SYT10: variants seen among roughly 807,000 people sequenced by gnomAD.
SYT10 encodes synaptotagmin 10, also known as synaptotagmin-10.
SYT10 carries 31 observed loss-of-function variants against 51.1 expected under a neutral mutation model. That is an observed-to-expected ratio of 0.61 (90% CI 0.46 to 0.82). The LOEUF (loss-of-function observed/expected upper bound fraction) is 0.82. Among genes scored for constraint, SYT10 ranks in the 40% least tolerant of loss-of-function variants. The pLI is 0.00. For missense variants in SYT10, 603 were observed against 634.0 expected (o/e 0.95, Z 0.53); for synonymous variants, 233 against 225.9 (o/e 1.03, Z -0.28).
chr12:33,427,447 G>A (rs10844601), intron 1 of SYT10, among the ~76,000 whole-genome samples: 20,275 of 152,032 alleles, frequency 0.13, 1,576 homozygotes, highest in African/African-American at 0.19. Context: ...AGAAATTGAT[G>A]TATCATTTCT....
intron 3 of SYT10, among the ~76,000 whole-genome samples, chr12:33,401,224 T>C (rs1464880442): frequency 6.6e-6 from 1 of 152,186 alleles, no homozygotes; most frequent in African/African-American, 2.4e-5. Context: ...AATTCCCGTG[T>C]GTCTTTACAT....
chr12:33,385,071 C>T, intron 4 of SYT10, 100 bp downstream of exon 4: 3 of 1,409,532 alleles, frequency 2.1e-6, no homozygotes, highest in Admixed American at 4.3e-5. Context: ...GTAGTACTCC[C>T]ATTATAGGCA....
Position 33,439,500 on chromosome 12 carries a change from C to G in SYT10, c.23G>C (p.Gly8Ala). MSFHKED[G>A]VNSLCQKALH... is the part of the protein sequence containing the mutation. ...AGCCTTCTGGCACAGACTGTTCACT[C>G]CGTCCTCCTTGTGGAAACTCATCGT... is the stretch of plus-strand genomic sequence containing the variant. The change falls in exon 1 of 7, where the codon GGA (glycine) becomes GCA (alanine). Residue 8 changes from glycine (G) to alanine (A), a missense_variant. Transcript: ENST00000228567. 1 of 1,613,398 alleles carries G rather than the reference C, an allele frequency of 6.2e-7. No individual in the cohort carries two copies. The highest frequency in any genetic ancestry group is 8.5e-7 in the Non-Finnish European group (1 of 1,179,774).
In SYT10 at chr12:33,379,549, C is replaced by CAAAAAAA. The variant is rs71068377; in HGVS notation, c.1500+276_1500+282dup. 1.1e-3 allele frequency among the ~76,000 whole-genome samples: 25 copies of CAAAAAAA among 22,068 alleles called. 1 individual carries two copies. Among genetic ancestry groups the CAAAAAAA allele is most frequent in the East Asian group, 2.7e-3 (1 of 368 alleles). 14.5% of individuals were successfully genotyped at this position (22,068 alleles called of 152,430 possible). A position where few individuals can be genotyped will look rare whatever the true frequency, so the allele number is the denominator to read the frequency against. ...CACTGATGTAAGTTTTCAGGCTATG[C>CAAAAAAA]AAAAAAAAAAAAAAAAAAAAAAAAA... On this transcript the variant is annotated intron_variant, in intron 6 of 6. Transcript: ENST00000228567.
Position 33,385,311 on chromosome 12 carries a change from G to A in SYT10, c.1078-20C>T, listed in dbSNP as rs367903082. ...ACTTTCCTAGAAAGGCAATCGGCAT[G>A]TTAGCAATTTCAAACATTGAAGGGT... On this transcript the variant is annotated intron_variant, in intron 3 of 6. Coordinates refer to ENST00000228567, the MANE Select transcript of SYT10 (RefSeq NM_198992.4). The A allele has an allele frequency of 4.3e-6, 7 of 1,610,954 alleles. No homozygotes were observed. In the South Asian group the frequency reaches 6.6e-5, roughly 15 times the overall value.
intron 3 of SYT10, chr12:33,405,057 T>A (rs1451334071): frequency 1.3e-5 from 2 of 152,158 alleles, no homozygotes; most frequent in African/African-American, 4.8e-5. Flanking sequence ...ATTATACTAA[T>A]TTTTTAGATT....
At position 33,374,896 on chromosome 12, in the gene SYT10, C is replaced by T. The variant is rs1866050036; in HGVS notation, c.*1934G>A. 2 of 151,944 alleles carry T rather than the reference C, an allele frequency of 1.3e-5. No homozygotes were observed. Among genetic ancestry groups the T allele is most frequent in the Non-Finnish European group, 2.9e-5 (2 of 67,848 alleles). 9.4% of individuals were successfully genotyped at this position (151,944 alleles called of 1,614,324 possible). A position where few individuals can be genotyped will look rare whatever the true frequency, so the allele number is the denominator to read the frequency against. ...AAAATAATTATACTCACTTAGGAAA[C>T]GTAATTGCTAATTTACTTTAAGCTG... On this transcript the variant is annotated 3_prime_UTR_variant, in exon 7 of 7. Transcript: ENST00000228567.
intron 6 of SYT10, among the ~76,000 whole-genome samples, chr12:33,377,888 A>C (rs914299896): frequency 6.6e-6 from 1 of 152,054 alleles, no homozygotes; most frequent in African/African-American, 2.4e-5. Flanking sequence ...TCAGCCTCCC[A>C]AAGTGCTGGG....
Position 33,406,769 on chromosome 12 carries a change from T to C in SYT10, c.1077+20A>G, listed in dbSNP as rs778941836. The stretch of plus-strand genomic sequence containing the variant: ...TGTAAGTCAAATAAAAAACAATATA[T>C]TGGTGGAATTACTACTTACTGTGGT... On this transcript the variant is annotated intron_variant, in intron 3 of 6. Coordinates refer to ENST00000228567, the MANE Select transcript of SYT10 (RefSeq NM_198992.4). 4 of 1,558,618 alleles carry C rather than the reference T, an allele frequency of 2.6e-6. No homozygotes were observed. Among genetic ancestry groups the C allele is most frequent in the East Asian group, 2.2e-5 (1 of 44,506 alleles).
At chr12:33,380,803 T>G (rs1187693866) in intron 5 of SYT10, among the ~76,000 whole-genome samples, 1 of 152,140 alleles carries the variant, frequency 6.6e-6, no homozygotes, top group Non-Finnish European at 1.5e-5. Context: ...TCAAGAGCAC[T>G]TGTGGTTAAG....
At chr12:33,386,720 C>T (rs1866159646) in intron 3 of SYT10, among the ~76,000 whole-genome samples, 1 of 151,862 alleles carries the variant, frequency 6.6e-6, no homozygotes, top group South Asian at 2.1e-4. Context: ...TGTTTGTTTC[C>T]CTGACTCCCA....
intron 1 of SYT10, among the ~76,000 whole-genome samples, chr12:33,432,033 G>C (rs1326997018): frequency 6.6e-6 from 1 of 152,066 alleles, no homozygotes; most frequent in Non-Finnish European, 1.5e-5. Context: ...CCACTCAGAA[G>C]AATCAGACTC....
chr12:33,425,728 C>A (rs373631602), intron 2 of SYT10, among the ~76,000 whole-genome samples: 111 of 152,014 alleles, frequency 7.3e-4, no homozygotes, highest in African/African-American at 2.5e-3. Flanking sequence ...AGAGCCTCCA[C>A]GATATGCATT....
intron 2 of SYT10, among the ~76,000 whole-genome samples, chr12:33,416,071 A>C (rs750580257): frequency 3.9e-5 from 5 of 127,694 alleles, no homozygotes; most frequent in Non-Finnish European, 6.9e-5. Flanking sequence ...TTACCACTTC[A>C]CACCATTCTC....
chr12:33,413,914 T>C (rs1866430523), intron 2 of SYT10, among the ~76,000 whole-genome samples: 1 of 152,144 alleles, frequency 6.6e-6, no homozygotes, highest in Non-Finnish European at 1.5e-5. Flanking sequence ...TCAAGACCCA[T>C]GAGTGTGCTG....
intron 1 of SYT10, among the ~76,000 whole-genome samples, chr12:33,431,286 GA>G (rs1022190555): frequency 1.3e-5 from 2 of 152,146 alleles, no homozygotes; most frequent in African/African-American, 4.8e-5. Context: ...GAAAGAGACT[GA>G]AAAATGCTCT....
At chr12:33,433,296 T>G (rs1270697318) in intron 1 of SYT10, among the ~76,000 whole-genome samples, 1 of 152,168 alleles carries the variant, frequency 6.6e-6, no homozygotes, top group Non-Finnish European at 1.5e-5. Flanking sequence ...CAGCTCTTTT[T>G]CAGTCACATT....
At chr12:33,396,301 T>A (rs1043659670) in intron 3 of SYT10, among the ~76,000 whole-genome samples, 1 of 152,126 alleles carries the variant, frequency 6.6e-6, no homozygotes, top group African/African-American at 2.4e-5. Context: ...AAGCAACAAA[T>A]TGGAGCAGTA....
chr12:33,421,763 C>T (rs998683331), intron 2 of SYT10, among the ~76,000 whole-genome samples: 2 of 152,066 alleles, frequency 1.3e-5, no homozygotes, highest in African/African-American at 4.8e-5. Context: ...ATTGTAATTA[C>T]AGCTTTAAAT....
Sources: allele counts gnomAD v4.1 joint callset (sites outside exome capture counted in the v4.1 genomes callset), GRCh38; gene constraint gnomAD v4.1.1; transcripts MANE v1.5; gene names NCBI Gene and HGNC (gene_info 2026-07-23, HGNC 2026-07-21).